Variants in UBE2H observed in about 807,000 individuals in gnomAD.
The protein encoded by UBE2H is ubiquitin conjugating enzyme E2 H.
A neutral mutation model predicts 29.0 loss-of-function variants in UBE2H; 3 were observed. The observed-to-expected ratio is 0.10, with a 90% CI of 0.05 to 0.27. The LOEUF (loss-of-function observed/expected upper bound fraction) is 0.27, where lower values mean the gene tolerates loss of function less well. Ranked by LOEUF, UBE2H falls within the 10% of genes least tolerant of loss-of-function variation. The pLI, the probability that UBE2H is intolerant of heterozygous loss-of-function variation, is 1.00. For synonymous variants in UBE2H, 69 were observed against 82.9 expected (o/e 0.83, Z 0.91); for missense variants, 68 against 228.2 (o/e 0.30, Z 4.52).
intron 3 of UBE2H, among the ~76,000 whole-genome samples, chr7:129,868,586 C>CAAAAA (rs11356893): frequency 2.4e-4 from 17 of 69,514 alleles, no homozygotes; most frequent in South Asian, 1.5e-3. Flanking sequence ...GACTCCGTCT[C>CAAAAA]AAAAAAAAAA....
rs1807905652 is a variant in UBE2H at position 129,952,667 on chromosome 7, C to CGCGGTCCCG, written c.-121_-113dup. On this transcript the variant is annotated 5_prime_UTR_variant, in exon 1 of 7. Coordinates refer to ENST00000355621, the MANE Select transcript of UBE2H (RefSeq NM_003344.4). ...TCCTCGGTGGAGGTGGCAACACCCC[C>CGCGGTCCCG]GCGGTCCCGGCGGTCCCGTCAGCCG... 3.0e-6 allele frequency: 4 copies of CGCGGTCCCG among 1,315,472 alleles called. No homozygotes were observed. Among genetic ancestry groups the CGCGGTCCCG allele is most frequent in the East Asian group, 2.8e-5 (1 of 36,324 alleles). The allele number at this position is 1,315,472 out of a possible 1,614,324, so 81.5% of individuals were successfully genotyped here.
chr7:129,919,039 G>C (rs1171416252), intron 1 of UBE2H, among the ~76,000 whole-genome samples: 1 of 146,032 alleles, frequency 6.8e-6, no homozygotes, highest in East Asian at 2.0e-4. Flanking sequence ...AGCTATGATT[G>C]TGTCACTGCA....
chr7:129,877,728 TTG>T (rs1806175559), intron 3 of UBE2H, among the ~76,000 whole-genome samples: 1 of 152,218 alleles, frequency 6.6e-6, no homozygotes, highest in Non-Finnish European at 1.5e-5. Flanking sequence ...TGGAGGCTTT[TTG>T]TGTCATTAGT....
At chr7:129,925,875 C>A (rs2116480207) in intron 1 of UBE2H, among the ~76,000 whole-genome samples, 1 of 152,288 alleles carries the variant, frequency 6.6e-6, no homozygotes, top group East Asian at 1.9e-4. Context: ...GACATGAAGC[C>A]CGCCCTTATC....
At chr7:129,891,867 A>G (rs1273186638) in intron 1 of UBE2H, among the ~76,000 whole-genome samples, 2 of 151,816 alleles carry the variant, frequency 1.3e-5, no homozygotes, top group Non-Finnish European at 2.9e-5. Context: ...CACAAAACTA[A>G]AATTCAAAGT....
At position 129,855,784 on chromosome 7, in the gene UBE2H, CT is replaced by C. The variant is rs570119299; in HGVS notation, c.298+1726del. ...TGGTAGTATGCACCTATAGTCCCAG[CT>C]ACTGGGGAGGCTGAGATGGGAGGAC... is the stretch of plus-strand genomic sequence containing the variant. On this transcript the variant is annotated intron_variant, in intron 5 of 6. Transcript: ENST00000355621. 1.0e-3 allele frequency among the ~76,000 whole-genome samples: 159 copies of C among 152,244 alleles called. 4 individuals carry two copies. The East Asian group carries it at 0.023, about 22-fold the overall frequency.
chr7:129,863,808 G>GTTTTTTGTT (rs1554432034), intron 3 of UBE2H, among the ~76,000 whole-genome samples: 1 of 136,042 alleles, frequency 7.4e-6, no homozygotes, highest in Admixed American at 7.5e-5. Flanking sequence ...AATACTAGGT[G>GTTTTTTGTT]TTTTTTTTTT....
At chr7:129,835,493 G>C (rs1251754815) in intron 6 of UBE2H, among the ~76,000 whole-genome samples, 2 of 152,124 alleles carry the variant, frequency 1.3e-5, no homozygotes, top group Non-Finnish European at 2.9e-5. Flanking sequence ...GGTCAGTCCA[G>C]GTCTATTATT....
chr7:129,837,830 A>C (rs1453855553), intron 6 of UBE2H, among the ~76,000 whole-genome samples: 2 of 152,228 alleles, frequency 1.3e-5, no homozygotes, highest in Non-Finnish European at 2.9e-5. Flanking sequence ...ATGATAGCCA[A>C]CATGAACATT....
chr7:129,846,386 AATT>A (rs1298150568), intron 5 of UBE2H, among the ~76,000 whole-genome samples: 7 of 127,298 alleles, frequency 5.5e-5, no homozygotes, highest in Middle Eastern at 3.9e-3. Context: ...TAATAATAAT[AATT>A]GGGCATGGTG....
intron 3 of UBE2H, among the ~76,000 whole-genome samples, chr7:129,864,024 C>A (rs1242863688): frequency 1.3e-5 from 2 of 152,120 alleles, no homozygotes; most frequent in African/African-American, 4.8e-5. Flanking sequence ...AACTCCTGAC[C>A]TCAAGTGATC....
In UBE2H at chr7:129,832,643, T is replaced by C. The variant is rs1584731838; in HGVS notation, c.*2294A>G. On this transcript the variant is annotated 3_prime_UTR_variant, in exon 7 of 7. Coordinates refer to ENST00000355621, the MANE Select transcript of UBE2H (RefSeq NM_003344.4). ...AGCCAATGTCTTATCATTAGAGAGA[T>C]GTGGGATTAGGTAAGGGGCAGAGTC... 8 of 152,110 alleles carry C rather than the reference T, an allele frequency of 5.3e-5. No homozygotes were observed. In the South Asian group the frequency reaches 1.7e-3, roughly 32 times the overall value. 9.4% of individuals were successfully genotyped at this position (152,110 alleles called of 1,614,324 possible).
chr7:129,851,691 C>T (rs1221064507), intron 5 of UBE2H, among the ~76,000 whole-genome samples: 2 of 152,194 alleles, frequency 1.3e-5, no homozygotes, highest in Non-Finnish European at 2.9e-5. Flanking sequence ...GGCTCATGTC[C>T]CACGATCCAA....
chr7:129,851,432 G>A (rs1263438709), intron 5 of UBE2H, among the ~76,000 whole-genome samples: 4 of 152,154 alleles, frequency 2.6e-5, no homozygotes, highest in African/African-American at 4.8e-5. Context: ...CGCTATTCAA[G>A]CTTGTAATTA....
At chr7:129,935,836 A>G (rs1190844270) in intron 1 of UBE2H, among the ~76,000 whole-genome samples, 1 of 152,190 alleles carries the variant, frequency 6.6e-6, no homozygotes, top group Admixed American at 6.5e-5. Flanking sequence ...TTTTCTATCA[A>G]TAATAACAAA....
rs1279673342 is a variant in UBE2H, at chr7:129,854,323, C to T, written c.298+3188G>A. On this transcript the variant is annotated intron_variant, in intron 5 of 6. Coordinates refer to ENST00000355621, the MANE Select transcript of UBE2H (RefSeq NM_003344.4). ...TTTATATAATTGTATTTACCTGTTC[C>T]TAAAACTTTCCGTGAAAGAAATGTT... is the stretch of plus-strand genomic sequence containing the variant. 3.3e-5 allele frequency among the ~76,000 whole-genome samples: 5 copies of T among 152,148 alleles called. No individual in the cohort carries two copies. In the East Asian group the frequency reaches 7.7e-4, roughly 23 times the overall value.
rs1805753485 is a variant in UBE2H, at chr7:129,858,931, A to G, written c.216T>C (p.Asn72=). The G allele has an allele frequency of 6.2e-7, 1 of 1,610,842 alleles. No homozygotes were observed. Among genetic ancestry groups the G allele is most frequent in the African/African-American group, 1.3e-5 (1 of 74,842 alleles). The change falls in exon 4 of 7, where the codon AAT becomes AAC. Residue 72 remains asparagine (N), a synonymous_variant. Transcript: ENST00000355621. ...PFKSPSIGFM[N]KIFHPNIDEA... ...CATCAATGTTGGGATGGAAAATTTTATTCATGAATCCTGTAAAAAGAGATG... is the reference window on the plus strand; with the variant it reads ...CATCAATGTTGGGATGGAAAATTTTGTTCATGAATCCTGTAAAAAGAGATG...
intron 1 of UBE2H, among the ~76,000 whole-genome samples, chr7:129,930,493 G>A (rs889188426): frequency 6.6e-6 from 1 of 152,042 alleles, no homozygotes; most frequent in African/African-American, 2.4e-5. Context: ...GACCTCGGCT[G>A]GGCATGGTGA....
intron 1 of UBE2H, among the ~76,000 whole-genome samples, chr7:129,946,647 TTTG>T (rs1807772089): frequency 6.6e-6 from 1 of 152,112 alleles, no homozygotes; most frequent in Non-Finnish European, 1.5e-5. Context: ...CAGGTGATTA[TTTG>T]TTTTTTGTTT....
Sources: allele counts gnomAD v4.1 joint callset (sites outside exome capture counted in the v4.1 genomes callset), GRCh38; gene constraint gnomAD v4.1.1; transcripts MANE v1.5; gene names NCBI Gene and HGNC (gene_info 2026-07-23, HGNC 2026-07-21).